The following RUBCN variants were observed in gnomAD, a reference collection of about 807,000 sequenced individuals.
The protein encoded by RUBCN is run domain Beclin-1-interacting and cysteine-rich domain-containing protein.
Under a neutral mutation model 113.2 loss-of-function variants are expected in RUBCN, and 74 were observed. The ratio of observed to expected loss-of-function variants is 0.65; its 90% confidence interval spans 0.54 to 0.79. RUBCN has a LOEUF of 0.79. Among genes scored for constraint, RUBCN ranks in the 30% least tolerant of loss-of-function variants. RUBCN has a pLI of 0.00. For missense variants in RUBCN, 1,109 were observed against 1,251.7 expected, an observed-to-expected ratio of 0.89 and a Z score of 1.72; for synonymous variants, 480 against 490.0, an observed-to-expected ratio of 0.98 and a Z score of 0.27.
intron 13 of RUBCN, among the ~76,000 whole-genome samples, chr3:197,682,920 A>G (rs763208358): frequency 1.3e-5 from 2 of 152,230 alleles, no homozygotes; most frequent in Non-Finnish European, 2.9e-5. Flanking sequence ...CTACCAGGGC[A>G]GTGGCCCCAC....
chr3:197,688,312 C>G (rs577970693), intron 11 of RUBCN, among the ~76,000 whole-genome samples: 170 of 151,672 alleles, frequency 1.1e-3, no homozygotes, highest in African/African-American at 3.9e-3. Flanking sequence ...CAGGTGTGAG[C>G]CACCGCTGGT....
chr3:197,726,940 A>AT (rs1169226625), intron 1 of RUBCN, among the ~76,000 whole-genome samples: 4,128 of 131,750 alleles, frequency 0.031, 162 homozygotes, highest in African/African-American at 0.078. Context: ...TGCACATTCT[A>AT]TTTTTTTTTT....
chr3:197,740,362 G>A (rs575800072), upstream of RUBCN, among the ~76,000 whole-genome samples: 7 of 151,394 alleles, frequency 4.6e-5, no homozygotes, highest in African/African-American at 1.2e-4. Context: ...CCAGCTACTC[G>A]GGAGGCTGAG....
In RUBCN at chr3:197,673,289, T is replaced by C. The variant is rs1719968480; in HGVS notation, c.*1729A>G. ...GGGGCCAGTTCCCACATGTTCCCTCTCACGCTGGTGGAGCCTCAGCCCTGG... is the reference window on the plus strand; with the variant it reads ...GGGGCCAGTTCCCACATGTTCCCTCCCACGCTGGTGGAGCCTCAGCCCTGG... On this transcript the variant is annotated 3_prime_UTR_variant, in exon 20 of 20. Coordinates refer to ENST00000296343, the MANE Select transcript of RUBCN (RefSeq NM_014687.4). The C allele has an allele frequency of 6.6e-6, 1 of 152,392 alleles. No homozygotes were observed. The highest frequency in any genetic ancestry group is 1.5e-5 in the Non-Finnish European group (1 of 68,128). The allele number at this position is 152,392 out of a possible 1,614,324, so 9.4% of individuals were successfully genotyped here. A position where few individuals can be genotyped will look rare whatever the true frequency, so the allele number is the denominator to read the frequency against.
Position 197,674,998 on chromosome 3 carries a change from G to A in RUBCN, c.*20C>T, listed in dbSNP as rs771119008. On this transcript the variant is annotated 3_prime_UTR_variant, in exon 20 of 20. Transcript: ENST00000296343. ...CAACAGGTGTGACCCGGCCCGGAGG[G>A]AGGGCTGCACGTGCTTTCTTCAGGT... The A allele has an allele frequency of 1.2e-6, 2 of 1,609,072 alleles. No homozygotes were observed. Among genetic ancestry groups the A allele is most frequent in the Admixed American group, 1.7e-5 (1 of 60,026 alleles).
chr3:197,701,077 G>A lies in RUBCN; in HGVS notation c.797C>T (p.Ser266Leu). 1 of 1,608,454 alleles carries A rather than the reference G, an allele frequency of 6.2e-7. No homozygotes were observed. Among genetic ancestry groups the A allele is most frequent in the Non-Finnish European group, 8.5e-7 (1 of 1,176,116 alleles). Residue 266 changes from serine to leucine, a missense_variant, in exon 7 of 20, where the codon TCA becomes TTA. Ser to Leu is a moderately radical substitution (Grantham distance 145, BLOSUM62 -2). Transcript: ENST00000296343. Reference protein sequence around the residue: ...RKPQESRGHVSPAEDQTIQAP... With the variant: ...RKPQESRGHVLPAEDQTIQAP... ...TTGGATGGTTTGATCCTCTGCTGGT[G>A]AGACGTGCCCTCTGCTTTCTTGAGG...
At chr3:197,704,148 AGG>A (rs1724017443) in intron 4 of RUBCN, among the ~76,000 whole-genome samples, 1 of 152,214 alleles carries the variant, frequency 6.6e-6, no homozygotes, top group South Asian at 2.1e-4. Flanking sequence ...GAAAAACAGG[AGG>A]CCCTGCCGGG....
At chr3:197,732,374 C>T (rs1489690147) in intron 1 of RUBCN, among the ~76,000 whole-genome samples, 1 of 152,186 alleles carries the variant, frequency 6.6e-6, no homozygotes, top group African/African-American at 2.4e-5. Flanking sequence ...AGTGCAGTGG[C>T]GTGATCTCGG....
chr3:197,678,465 G>C (rs1303248791), intron 16 of RUBCN, among the ~76,000 whole-genome samples: 1 of 148,120 alleles, frequency 6.8e-6, no homozygotes, highest in East Asian at 2.0e-4. Flanking sequence ...CTGACAACTG[G>C]CTTCAGACTG....
At chr3:197,704,441 A>G in intron 4 of RUBCN, 101 bp downstream of exon 4, 1 of 1,206,678 alleles carries the variant, frequency 8.3e-7, no homozygotes, top group South Asian at 1.2e-5. Context: ...TCTCAAAGAA[A>G]AAAAGAAAAA....
upstream of RUBCN, among the ~76,000 whole-genome samples, chr3:197,737,903 T>C (rs1404843131): frequency 2.0e-5 from 3 of 152,174 alleles, no homozygotes; most frequent in Non-Finnish European, 4.4e-5. Context: ...TTTTTTCTTT[T>C]TCAAAGACGG....
chr3:197,738,499 C>G (rs1728350229), upstream of RUBCN, among the ~76,000 whole-genome samples: 1 of 152,188 alleles, frequency 6.6e-6, no homozygotes, highest in African/African-American at 2.4e-5. Flanking sequence ...AAAATACTCT[C>G]TTTCAAACTT....
At chr3:197,738,497 CTCTT>C (rs1172213009), upstream of RUBCN, among the ~76,000 whole-genome samples, 2 of 152,164 alleles carry the variant, frequency 1.3e-5, no homozygotes, top group African/African-American at 2.4e-5. Context: ...AAAAAATACT[CTCTT>C]TCAAACTTTC....
Position 197,700,773 on chromosome 3 carries a change from A to AGAGGCAGCAGAATCTGGCTTCTGG in RUBCN, c.1077_1100dup (p.Gln360_Ser367dup), listed in dbSNP as rs1723559923. 2.5e-6 allele frequency: 4 copies of AGAGGCAGCAGAATCTGGCTTCTGG among 1,614,196 alleles called. No homozygotes were observed. In the Middle Eastern group the frequency reaches 4.9e-4, roughly 200 times the overall value. ...CACCTCCTTCCTGGTCCCCTAAGGA[A>AGAGGCAGCAGAATCTGGCTTCTGG]GAGGCAGCAGAATCTGGCTTCTGGG... On this transcript the variant is annotated inframe_insertion, in exon 7 of 20. Transcript: ENST00000296343.
chr3:197,744,314 T>C (rs1390464061), intron 1 of RUBCN, among the ~76,000 whole-genome samples: 4 of 152,108 alleles, frequency 2.6e-5, no homozygotes, highest in African/African-American at 4.8e-5. Flanking sequence ...ATCCCAAAAA[T>C]GCAATATTTG....
At chr3:197,731,425 T>G (rs960973272) in intron 1 of RUBCN, among the ~76,000 whole-genome samples, 15 of 152,228 alleles carry the variant, frequency 9.9e-5, no homozygotes, top group African/African-American at 3.6e-4. Flanking sequence ...CCATCCGATT[T>G]CTCAATCTTT....
chr3:197,735,050 G>A (rs1481429247), intron 1 of RUBCN, among the ~76,000 whole-genome samples: 3 of 152,232 alleles, frequency 2.0e-5, no homozygotes, highest in Middle Eastern at 3.4e-3. Flanking sequence ...CTAGTTTTTG[G>A]ATCCCAGCTG....
chr3:197,684,407 G>A (rs528225089), intron 11 of RUBCN, among the ~76,000 whole-genome samples, 190 bp from the exon 12 acceptor site: 1 of 152,086 alleles, frequency 6.6e-6, no homozygotes, highest in Non-Finnish European at 1.5e-5. Flanking sequence ...TCAAAACCAG[G>A]CTGAATTAGT....
chr3:197,701,447 G>A (rs1052672642), intron 6 of RUBCN, among the ~76,000 whole-genome samples: 8 of 152,122 alleles, frequency 5.3e-5, no homozygotes, highest in African/African-American at 1.2e-4. Flanking sequence ...GCAATCATTC[G>A]GTGTTAGCTA....
Sources: gnomAD v4.1 joint callset for allele counts (sites outside exome capture counted in the v4.1 genomes callset) on GRCh38, gnomAD v4.1.1 for gene constraint, MANE v1.5 for transcripts, NCBI Gene and HGNC (gene_info 2026-07-23, HGNC 2026-07-21) for gene names.